UPP2: variants seen among roughly 807,000 people sequenced by gnomAD.
The protein encoded by UPP2 is UPase 2.
A neutral mutation model predicts 26.7 loss-of-function variants in UPP2; 23 were observed. The ratio of observed to expected loss-of-function variants is 0.86; its 90% CI spans 0.62 to 1.22. The LOEUF (loss-of-function observed/expected upper bound fraction) is 1.22, where lower values mean the gene tolerates loss of function less well. UPP2 is among the 50% of genes most tolerant of loss of function. UPP2 has a pLI of 0.00. For synonymous variants in UPP2, 127 were observed against 141.3 expected, an observed-to-expected ratio of 0.90 and a Z score of 0.72; for missense variants, 387 against 396.7, an observed-to-expected ratio of 0.98 and a Z score of 0.21.
rs960794555 is a variant in UPP2, at chr2:158,093,277, C to T, written c.148-8763C>T. On this transcript the variant is annotated intron_variant, in intron 3 of 9. Coordinates refer to the UPP2 transcript ENST00000605860. ...AAGGCGGTAAAAAGAAACATACACACACACACACACACACACACACACACA... is the reference window on the plus strand; with the variant it reads ...AAGGCGGTAAAAAGAAACATACACATACACACACACACACACACACACACA... 2.7e-5 allele frequency among the ~76,000 whole-genome samples: 4 copies of T among 148,830 alleles called. No homozygotes were observed. The East Asian group carries it at 5.8e-4, about 22-fold the overall frequency.
At chr2:158,073,898 G>A (rs1346309875) in intron 3 of UPP2, among the ~76,000 whole-genome samples, 1 of 152,216 alleles carries the variant, frequency 6.6e-6, no homozygotes, top group African/African-American at 2.4e-5. Context: ...TTGAGGGCCA[G>A]GTATAGTGGC....
At chr2:158,036,039 G>C (rs1683995573) in intron 3 of UPP2, among the ~76,000 whole-genome samples, 1 of 152,218 alleles carries the variant, frequency 6.6e-6, no homozygotes, top group Non-Finnish European at 1.5e-5. Flanking sequence ...TTGGGCAGTA[G>C]AAGGGTCGTG....
At chr2:158,132,453 C>T (rs565241640) in intron 6 of UPP2, among the ~76,000 whole-genome samples, 1 of 152,288 alleles carries the variant, frequency 6.6e-6, no homozygotes, top group East Asian at 1.9e-4. Context: ...TCATTCTAAG[C>T]CCTCATTTAA....
chr2:158,102,529 G>A (rs1192623172), intron 1 of UPP2, among the ~76,000 whole-genome samples: 1 of 152,126 alleles, frequency 6.6e-6, no homozygotes, highest in Non-Finnish European at 1.5e-5. Context: ...TAATTGTATT[G>A]CAGGATATTG....
At chr2:158,031,965 A>G (rs1683927620) in intron 3 of UPP2, among the ~76,000 whole-genome samples, 1 of 152,196 alleles carries the variant, frequency 6.6e-6, no homozygotes, top group Non-Finnish European at 1.5e-5. Flanking sequence ...CAGAGCACAC[A>G]TCTTCATACA....
intron 2 of UPP2, among the ~76,000 whole-genome samples, chr2:158,109,126 T>G (rs530182571): frequency 6.6e-6 from 1 of 152,148 alleles, no homozygotes; most frequent in African/African-American, 2.4e-5. Context: ...TTGAGTTCCT[T>G]AAATCCCAGG....
Position 158,058,419 on chromosome 2 carries a change from C to CTGTGTGTGTGTGTGTGTGTGTGTG in UPP2, c.147+42541_147+42564dup, listed in dbSNP as rs70990632. ...CTCTCTCTCTCTCTCTCCCCCCAAC[C>CTGTGTGTGTGTGTGTGTGTGTGTG]TGTGTGTGTGTGTGTGTGTGTGTGT... On this transcript the variant is annotated intron_variant, in intron 3 of 9. Coordinates refer to the UPP2 transcript ENST00000605860. Among the ~76,000 whole-genome samples, 646 of 136,426 alleles carry CTGTGTGTGTGTGTGTGTGTGTGTG rather than the reference C, an allele frequency of 4.7e-3. 14 individuals carry two copies. Among genetic ancestry groups the CTGTGTGTGTGTGTGTGTGTGTGTG allele is most frequent in the East Asian group, 0.038 (160 of 4,242 alleles). The allele number at this position is 136,426 out of a possible 152,430, so 89.5% of individuals were successfully genotyped here. A position where few individuals can be genotyped will look rare whatever the true frequency, so the allele number is the denominator to read the frequency against.
chr2:158,112,697 G>A (rs1271216962), intron 2 of UPP2, among the ~76,000 whole-genome samples: 1 of 151,934 alleles, frequency 6.6e-6, no homozygotes, highest in Admixed American at 6.6e-5. Context: ...TCTCTCACTA[G>A]AAATTTTAGT....
chr2:158,039,099 T>C (rs1295412714), intron 3 of UPP2, among the ~76,000 whole-genome samples: 2 of 152,194 alleles, frequency 1.3e-5, no homozygotes, highest in Non-Finnish European at 2.9e-5. Context: ...GGACCGGCTA[T>C]AGCAAAAATA....
chr2:157,995,407 G>A, intron 2 of UPP2: 4 of 881,038 alleles, frequency 4.5e-6, no homozygotes, highest in East Asian at 2.7e-5. Context: ...ATTAAGGGAT[G>A]ATGCAACACA....
At chr2:158,063,995 T>C (rs1682395589) in intron 3 of UPP2, among the ~76,000 whole-genome samples, 2 of 152,226 alleles carry the variant, frequency 1.3e-5, no homozygotes, top group African/African-American at 4.8e-5. Flanking sequence ...CAGTCTATTA[T>C]TGATGGACAT....
rs1428665372 is a variant in UPP2 at position 158,102,095 on chromosome 2, C to T, written c.32C>T (p.Ser11Phe). ...TCAGTTATACCTGCCTCCAATAGGT[C>T]CATGAGATCTGACAGGAATACATAT... MASVIPASNR[S>F]MRSDRNTYVG... Residue 11 changes from serine (S) to phenylalanine (F), a missense_variant, in exon 1 of 7, where the codon TCC becomes TTC. Ser to Phe is a radical substitution (Grantham distance 155, BLOSUM62 -2). Coordinates refer to ENST00000005756, the MANE Select transcript of UPP2 (RefSeq NM_173355.4). 1.2e-6 allele frequency: 2 copies of T among 1,613,342 alleles called. No individual in the cohort carries two copies. The highest frequency in any genetic ancestry group is 3.3e-5 in the Admixed American group (2 of 59,986).
intron 3 of UPP2, among the ~76,000 whole-genome samples, chr2:158,067,330 A>C (rs1558919993): frequency 6.6e-6 from 1 of 151,488 alleles, no homozygotes; most frequent in South Asian, 2.1e-4. Flanking sequence ...TTAGTGTGAG[A>C]GCTTAAACAT....
intron 3 of UPP2, among the ~76,000 whole-genome samples, chr2:158,079,583 A>G (rs1361485909): frequency 6.6e-6 from 1 of 152,212 alleles, no homozygotes; most frequent in Non-Finnish European, 1.5e-5. Flanking sequence ...AAAAATTAAA[A>G]GGCGATTAAA....
chr2:158,005,979 C>A (rs1311224670), intron 2 of UPP2, among the ~76,000 whole-genome samples: 1 of 152,172 alleles, frequency 6.6e-6, no homozygotes, highest in East Asian at 1.9e-4. Context: ...CTCACACTCA[C>A]CTAGGGAATG....
At chr2:158,054,725 G>C (rs1366419750) in intron 3 of UPP2, among the ~76,000 whole-genome samples, 1 of 152,170 alleles carries the variant, frequency 6.6e-6, no homozygotes, top group Non-Finnish European at 1.5e-5. Flanking sequence ...CCCATAAATA[G>C]TCAATGACTT....
chr2:158,052,301 A>G (rs1429515101), intron 3 of UPP2, among the ~76,000 whole-genome samples: 4 of 152,218 alleles, frequency 2.6e-5, no homozygotes, highest in Non-Finnish European at 5.9e-5. Flanking sequence ...TTCCTAAGGA[A>G]CAAAAGATGT....
chr2:158,072,082 C>A lies in UPP2; in HGVS notation c.148-29958C>A, dbSNP rs533008677. Among the ~76,000 whole-genome samples the A allele has an allele frequency of 2.0e-5, 3 of 152,234 alleles. No individual in the cohort carries two copies. The South Asian group carries it at 6.2e-4, about 32-fold the overall frequency. ...ACAGCTTTTCTGGACCTGCCCTGGGCCAGAGGAGAGCCCACTGCCCTGAAG... is the reference window on the plus strand; with the variant it reads ...ACAGCTTTTCTGGACCTGCCCTGGGACAGAGGAGAGCCCACTGCCCTGAAG... On this transcript the variant is annotated intron_variant, in intron 3 of 9. Coordinates refer to the UPP2 transcript ENST00000605860.
At chr2:158,131,813 G>A (rs1683825267) in intron 6 of UPP2, among the ~76,000 whole-genome samples, 1 of 152,192 alleles carries the variant, frequency 6.6e-6, no homozygotes, top group Non-Finnish European at 1.5e-5. Context: ...AATTGCTCAT[G>A]GAAATAGTAA....
Sources: allele counts gnomAD v4.1 joint callset (sites outside exome capture counted in the v4.1 genomes callset), GRCh38; gene constraint gnomAD v4.1.1; transcripts MANE v1.5; gene names NCBI Gene and HGNC (gene_info 2026-07-23, HGNC 2026-07-21).